The following RAB7A variants were observed in gnomAD, a reference collection of about 807,000 sequenced individuals.
The protein encoded by RAB7A is RAB7A, member RAS oncogene family.
A neutral mutation model predicts 24.5 loss-of-function variants in RAB7A; 2 were observed. The observed-to-expected ratio is 0.08, with a 90% CI of 0.03 to 0.26. The LOEUF is 0.26. Ranked by LOEUF, RAB7A falls within the 10% of genes least tolerant of loss-of-function variation. The probability of loss-of-function intolerance (pLI) is 1.00; values close to 1 mark genes in which losing one functional copy is unlikely to be tolerated. For missense variants in RAB7A, 118 were observed against 255.7 expected, an observed-to-expected ratio of 0.46 and a Z score of 3.67; for synonymous variants, 100 against 95.9, an observed-to-expected ratio of 1.04 and a Z score of -0.25.
intron 1 of RAB7A, among the ~76,000 whole-genome samples, chr3:128,753,148 G>A (rs1372918115): frequency 6.6e-6 from 1 of 152,142 alleles, no homozygotes; most frequent in Non-Finnish European, 1.5e-5. Context: ...TTCAGTTATT[G>A]ATGGAAGAAA....
At position 128,807,663 on chromosome 3, in the gene RAB7A, C is replaced by T; in HGVS notation, c.520C>T (p.Leu174Phe). The change falls in exon 5 of 6, where the codon CTT becomes TTT. Residue 174 changes from leucine to phenylalanine, a missense_variant. Around this residue, in one of 2 missense-constraint regions of RAB7A, gnomAD observed 66 missense variants for 82.2 expected, o/e 0.80. Transcript: ENST00000265062. ...GTTCCAGACGATTGCACGGAATGCA[C>T]TTAAGCAGGTGGGTCTCCCACAGCT... is the stretch of plus-strand genomic sequence containing the variant. ...QAFQTIARNA[L>F]KQETEVELYN... 5 of 1,614,208 alleles carry T rather than the reference C, an allele frequency of 3.1e-6. No homozygotes were observed. The highest frequency in any genetic ancestry group is 4.2e-6 in the Non-Finnish European group (5 of 1,180,046).
intron 3 of RAB7A, among the ~76,000 whole-genome samples, chr3:128,803,314 G>A (rs1229535354): frequency 1.3e-5 from 2 of 152,150 alleles, no homozygotes; most frequent in African/African-American, 4.8e-5. Flanking sequence ...CATTAAACAT[G>A]TAAATAACAA....
At chr3:128,742,735 A>C (rs969614765) in intron 1 of RAB7A, among the ~76,000 whole-genome samples, 4 of 152,218 alleles carry the variant, frequency 2.6e-5, no homozygotes, top group African/African-American at 9.6e-5. Context: ...CTTTAGCTAG[A>C]CATAAAGGTT....
At chr3:128,763,466 CTT>C (rs1268931968) in intron 1 of RAB7A, among the ~76,000 whole-genome samples, 6 of 152,078 alleles carry the variant, frequency 3.9e-5, no homozygotes, top group African/African-American at 7.2e-5. Flanking sequence ...ATCCGCCTGT[CTT>C]GGCCTCCCAA....
intron 1 of RAB7A, among the ~76,000 whole-genome samples, chr3:128,751,803 C>T (rs1311883836): frequency 6.6e-6 from 1 of 152,194 alleles, no homozygotes; most frequent in Non-Finnish European, 1.5e-5. Context: ...ATCCATATCT[C>T]ATCTTGAATT....
At chr3:128,755,702 GATTTTATTTT>G (rs892661916) in intron 1 of RAB7A, among the ~76,000 whole-genome samples, 4 of 152,048 alleles carry the variant, frequency 2.6e-5, no homozygotes, top group South Asian at 2.1e-4. Context: ...AAAGTGATAT[GATTTTATTTT>G]ATTTTATTTT....
chr3:128,762,509 T>C (rs2070783147), intron 1 of RAB7A, among the ~76,000 whole-genome samples: 1 of 152,006 alleles, frequency 6.6e-6, no homozygotes, highest in African/African-American at 2.4e-5. Flanking sequence ...ACCCTCAAAA[T>C]GGAAGTGATT....
chr3:128,775,316 C>T (rs1162151207), intron 1 of RAB7A, among the ~76,000 whole-genome samples: 2 of 152,204 alleles, frequency 1.3e-5, no homozygotes, highest in Non-Finnish European at 2.9e-5. Context: ...GCCCCATTGT[C>T]TTGGTCAACT....
At chr3:128,739,227 G>A (rs73196995) in intron 1 of RAB7A, among the ~76,000 whole-genome samples, 8,200 of 152,100 alleles carry the variant, frequency 0.054, 231 homozygotes, top group Non-Finnish European at 0.058. Flanking sequence ...GTCTTAAAGC[G>A]GGCCGGGAGT....
chr3:128,799,748 G>A (rs1332733085), intron 3 of RAB7A, among the ~76,000 whole-genome samples: 2 of 152,196 alleles, frequency 1.3e-5, no homozygotes, highest in Non-Finnish European at 2.9e-5. Context: ...GCTTGTGTCT[G>A]CAGTTGTTGG....
At chr3:128,749,211 T>G (rs2070651348) in intron 1 of RAB7A, 1 of 152,282 alleles carries the variant, frequency 6.6e-6, no homozygotes, top group Non-Finnish European at 1.5e-5. Context: ...TACTCTAGGA[T>G]GTAGTCAAAT....
At chr3:128,729,533 G>A (rs1014380608) in intron 1 of RAB7A, among the ~76,000 whole-genome samples, 4 of 147,212 alleles carry the variant, frequency 2.7e-5, no homozygotes, top group Admixed American at 1.4e-4. Flanking sequence ...TCATGCCGCT[G>A]CACTCCAGCC....
intron 1 of RAB7A, among the ~76,000 whole-genome samples, chr3:128,794,772 A>G (rs1023507119): frequency 6.6e-6 from 1 of 152,154 alleles, no homozygotes; most frequent in Non-Finnish European, 1.5e-5. Context: ...TGCAGAGTCA[A>G]GTATTCAGAC....
At chr3:128,735,739 C>G (rs2070484528) in intron 1 of RAB7A, among the ~76,000 whole-genome samples, 1 of 152,148 alleles carries the variant, frequency 6.6e-6, no homozygotes, top group East Asian at 1.9e-4. Context: ...AATTTATGGG[C>G]AGTCTGTTTT....
chr3:128,813,752 T>C lies in RAB7A; in HGVS notation c.*330T>C, dbSNP rs1933980524. The C allele has an allele frequency of 7.7e-6, 3 of 388,652 alleles. No homozygotes were observed. Among genetic ancestry groups the C allele is most frequent in the African/African-American group, 6.2e-5 (3 of 48,338 alleles). The allele number at this position is 388,652 out of a possible 1,614,324, so 24.1% of individuals were successfully genotyped here. A position where few individuals can be genotyped will look rare whatever the true frequency, so the allele number is the denominator to read the frequency against. On this transcript the variant is annotated 3_prime_UTR_variant, in exon 6 of 6. Transcript: ENST00000265062. ...AGTCATTCTGATATGGAGTTGGCATTGGAAGCTTATTCTTTTTGTTCACTG... is the reference window on the plus strand; with the variant it reads ...AGTCATTCTGATATGGAGTTGGCATCGGAAGCTTATTCTTTTTGTTCACTG...
At chr3:128,783,833 A>C (rs145345558) in intron 1 of RAB7A, among the ~76,000 whole-genome samples, 3 of 152,364 alleles carry the variant, frequency 2.0e-5, no homozygotes, top group African/African-American at 7.2e-5. Context: ...TGTTTTGACC[A>C]GTTATTTTTA....
chr3:128,743,274 G>A lies in RAB7A; in HGVS notation c.-9+16915G>A, dbSNP rs866152409. Among the ~76,000 whole-genome samples, 8 of 152,188 alleles carry A rather than the reference G, an allele frequency of 5.3e-5. No homozygotes were observed. In the East Asian group the frequency reaches 7.7e-4, roughly 15 times the overall value. ...ACTCCCGCTGGTCCGCGAGTGCCGC[G>A]CGCAGCCCCAGTTTCCCGCCCATGC... On this transcript the variant is annotated intron_variant, in intron 1 of 5. Coordinates refer to ENST00000265062, the MANE Select transcript of RAB7A (RefSeq NM_004637.6).
At chr3:128,742,827 C>G (rs2070567910) in intron 1 of RAB7A, among the ~76,000 whole-genome samples, 1 of 152,248 alleles carries the variant, frequency 6.6e-6, no homozygotes, top group Admixed American at 6.5e-5. Flanking sequence ...AAAAGTTCTT[C>G]AAGTCCCCAC....
At position 128,807,621 on chromosome 3, in the gene RAB7A, A is replaced by G. The variant is rs1933833562; in HGVS notation, c.478A>G (p.Ile160Val). ...CTTTGAGACCAGTGCCAAGGAGGCC[A>G]TCAACGTGGAGCAGGCGTTCCAGAC... is the stretch of plus-strand genomic sequence containing the variant. ...PYFETSAKEAINVEQAFQTIA... is the reference protein window; with the variant it reads ...PYFETSAKEAVNVEQAFQTIA... The change falls in exon 5 of 6, where the codon ATC becomes GTC. Residue 160 changes from isoleucine (I) to valine (V), a missense_variant. Physicochemically the swap from Ile to Val is conservative, Grantham distance 29 (BLOSUM62 3). This residue lies in a region of RAB7A where 66 missense variants were observed against 82.2 expected (regional missense o/e 0.80). Coordinates refer to ENST00000265062, the MANE Select transcript of RAB7A (RefSeq NM_004637.6). 3.1e-6 allele frequency: 5 copies of G among 1,614,256 alleles called. No individual in the cohort carries two copies. The East Asian group carries it at 6.7e-5, about 22-fold the overall frequency.
Sources: gnomAD v4.1 joint callset for allele counts (sites outside exome capture counted in the v4.1 genomes callset) on GRCh38, gnomAD v4.1.1 for gene constraint, gnomAD v4.1.1 regional missense constraint, MANE v1.5 for transcripts, NCBI Gene and HGNC (gene_info 2026-07-23, HGNC 2026-07-21) for gene names.